Variants in ADAMTS8 observed in about 807,000 individuals in gnomAD.
ADAMTS8 encodes ADAM metallopeptidase with thrombospondin type 1 motif 8.
A neutral mutation model predicts 64.4 loss-of-function variants in ADAMTS8; 50 were observed. The observed-to-expected ratio is 0.78, with a 90% CI of 0.62 to 0.98. The LOEUF is 0.98. Ranked by LOEUF, ADAMTS8 falls within the 50% of genes least tolerant of loss-of-function variation. The pLI, the probability that ADAMTS8 is intolerant of heterozygous loss-of-function variation, is 0.00. For missense variants in ADAMTS8, 1,192 were observed against 1,208.2 expected (o/e 0.99, Z 0.20); for synonymous variants, 556 against 533.6 (o/e 1.04, Z -0.58).
intron 1 of ADAMTS8, among the ~76,000 whole-genome samples, chr11:130,426,074 G>A (rs76389393): frequency 0.12 from 17,552 of 152,246 alleles, 1,371 homozygotes; most frequent in Non-Finnish European, 0.17. Context: ...GGACAGGCAG[G>A]GAAACAGGTG....
At chr11:130,407,094 G>T (rs567293294) in intron 8 of ADAMTS8, among the ~76,000 whole-genome samples, 1 of 152,168 alleles carries the variant, frequency 6.6e-6, no homozygotes, top group East Asian at 1.9e-4. Context: ...AAGGCAGGGC[G>T]CAGTGGCTCA....
Position 130,416,997 on chromosome 11 carries a change from A to G in ADAMTS8, c.1039T>C (p.Cys347Arg). ...AGCCCCTCATCCTCGATCACGGAGC[A>G]GCTTTTGTTGGGGTCACAAATGGTC... ...IGTICDPNKS[C>R]SVIEDEGLQA... The change falls in exon 3 of 9, where the codon TGC becomes CGC. Residue 347 changes from cysteine (C) to arginine (R), a missense_variant. Cys to Arg is a radical substitution (Grantham distance 180, BLOSUM62 -3). Coordinates refer to ENST00000257359, the MANE Select transcript of ADAMTS8 (RefSeq NM_007037.6). The surrounding 1 kb of genome is among the most constrained non-coding windows in gnomAD (Gnocchi z 4.8). 6.2e-7 allele frequency: 1 copy of G among 1,614,130 alleles called. No individual in the cohort carries two copies.
chr11:130,424,469 T>G (rs1862137820), intron 1 of ADAMTS8, among the ~76,000 whole-genome samples: 1 of 152,214 alleles, frequency 6.6e-6, no homozygotes, highest in Non-Finnish European at 1.5e-5. Context: ...AGACCGGGAT[T>G]GATCACCTAG....
chr11:130,416,310 G>T lies in ADAMTS8; in HGVS notation c.1117C>A (p.His373Asn). The T allele has an allele frequency of 6.4e-7, 1 of 1,568,740 alleles. No individual in the cohort carries two copies. Among genetic ancestry groups the T allele is most frequent in the Non-Finnish European group, 8.6e-7 (1 of 1,157,366 alleles). ...HELGHVLSMP[H>N]DDSKPCTRLF... ...CGTGTGCAGGGCTTGGAGTCGTCGT[G>T]GGGCATGCTGAGGACGTGCCCTGGG... is the stretch of plus-strand genomic sequence containing the variant. The change falls in exon 4 of 9, where the codon CAC (histidine) becomes AAC (asparagine). Residue 373 changes from histidine to asparagine, a missense_variant. His to Asn is a moderately conservative substitution (Grantham distance 68). Around this residue, in one of 5 missense-constraint regions of ADAMTS8, gnomAD observed 741 missense variants for 710.6 expected, o/e 1.04. Transcript: ENST00000257359. This position sits in a 1 kb window ranked among gnomAD's most constrained non-coding sequence, Gnocchi z 4.8.
chr11:130,418,902 A>ACGT (rs1862061306), intron 2 of ADAMTS8, 151 bp downstream of exon 2: 2 of 1,194,648 alleles, frequency 1.7e-6, no homozygotes, highest in Non-Finnish European at 2.3e-6. Context: ...TGTCCTCATG[A>ACGT]CCTCCTCATC....
Position 130,406,026 on chromosome 11 carries a change from C to T in ADAMTS8, c.2202G>A (p.Ala734=), listed in dbSNP as rs764701055. The T allele has an allele frequency of 3.1e-6, 5 of 1,614,208 alleles. No homozygotes were observed. The highest frequency in any genetic ancestry group is 4.2e-6 in the Non-Finnish European group (5 of 1,180,030). The stretch of plus-strand genomic sequence containing the variant: ...GGTACTGCCCATCAGCCGTCTTCAG[C>T]GCCAGGTAGTTCCCATCGTTCTGCA... The part of the protein sequence containing the change: ...PGVQNDGNYL[A]LKTADGQYLL... The change falls in exon 9 of 9, where the codon GCG becomes GCA. Residue 734 remains alanine, a synonymous_variant. Transcript: ENST00000257359.
At chr11:130,426,736 CCT>C (rs1015180635) in intron 1 of ADAMTS8, among the ~76,000 whole-genome samples, 37 of 152,318 alleles carry the variant, frequency 2.4e-4, no homozygotes, top group Admixed American at 8.5e-4. Context: ...GTTTTTCTCC[CCT>C]GTTTAGGTAA....
At chr11:130,408,704 G>A (rs908218420) in intron 7 of ADAMTS8, 64 bp downstream of exon 7, 11 of 1,610,954 alleles carry the variant, frequency 6.8e-6, no homozygotes, top group South Asian at 3.3e-5. Flanking sequence ...GCCGGGGGGC[G>A]GGGGTGTGGG....
chr11:130,427,877 G>A lies in ADAMTS8; in HGVS notation c.410C>T (p.Pro137Leu), dbSNP rs1365430874. ...AGCCAGGGAGCCCCCCGCGCCCTGCGGCTGGATGGTGAACTCCTCGCCGTC... is the reference window on the plus strand; with the variant it reads ...AGCCAGGGAGCCCCCCGCGCCCTGCAGCTGGATGGTGAACTCCTCGCCGTC... Reference protein sequence around the residue: ...LLDGEEFTIQPQGAGGSLAQP... With the variant: ...LLDGEEFTIQLQGAGGSLAQP... Residue 137 changes from proline to leucine, a missense_variant, in exon 1 of 9, where the codon CCG (proline) becomes CTG (leucine). Transcript: ENST00000257359. The A allele has an allele frequency of 6.5e-7, 1 of 1,534,784 alleles. No homozygotes were observed. Among genetic ancestry groups the A allele is most frequent in the Non-Finnish European group, 8.7e-7 (1 of 1,145,730 alleles).
Position 130,416,288 on chromosome 11 carries a change from G to A in ADAMTS8, c.1139C>T (p.Thr380Ile). 1 of 1,576,836 alleles carries A rather than the reference G, an allele frequency of 6.3e-7. No individual in the cohort carries two copies. Among genetic ancestry groups the A allele is most frequent in the Non-Finnish European group, 8.6e-7 (1 of 1,161,600 alleles). ...CTTGCCCATGGGCCCGAAGAGCCGT[G>A]TGCAGGGCTTGGAGTCGTCGTGGGG... ...SMPHDDSKPCTRLFGPMGKHH... is the reference protein window; with the variant it reads ...SMPHDDSKPCIRLFGPMGKHH... Residue 380 changes from threonine (T) to isoleucine (I), a missense_variant, in exon 4 of 9, where the codon ACA becomes ATA. Physicochemically the swap from Thr to Ile is moderately conservative, Grantham distance 89. Transcript: ENST00000257359. The surrounding 1 kb of genome is among the most constrained non-coding windows in gnomAD (Gnocchi z 4.8).
intron 8 of ADAMTS8, among the ~76,000 whole-genome samples, chr11:130,408,187 C>G (rs1217379391): frequency 1.3e-5 from 2 of 152,190 alleles, no homozygotes; most frequent in African/African-American, 4.8e-5. Context: ...CACATGGCCT[C>G]CAGCCCTCGT....
chr11:130,428,260 C>T lies in ADAMTS8; in HGVS notation c.27G>A (p.Arg9=), dbSNP rs762159153. The T allele has an allele frequency of 2.9e-4, 352 of 1,212,580 alleles. No individual in the cohort carries two copies. The highest frequency in any genetic ancestry group is 1.7e-5 in the Non-Finnish European group (17 of 979,964). 75.1% of individuals were successfully genotyped at this position (1,212,580 alleles called of 1,614,324 possible). A position where few individuals can be genotyped will look rare whatever the true frequency, so the allele number is the denominator to read the frequency against. Residue 9 remains arginine (R), a synonymous_variant, in exon 1 of 9, where the codon CGG becomes CGA. Transcript: ENST00000257359. MLPAPAAP[R]WPPLLLLLLL... ...GCAGCAGCAGCAGGAGCGGAGGCCA[C>T]CGGGGGGCGGCGGGGGCGGGGAGCA...
At position 130,416,788 on chromosome 11, in the gene ADAMTS8, C is replaced by T. The variant is rs541859243; in HGVS notation, c.1096+152G>A. ...GAGTTGTGTTCAGCACTGTCAAGCG[C>T]GGTATCTGTTTGTATACAGTCACCC... On this transcript the variant is annotated intron_variant, in intron 3 of 8. Transcript: ENST00000257359. This position sits in a 1 kb window ranked among gnomAD's most constrained non-coding sequence, Gnocchi z 4.8. The T allele has an allele frequency of 2.8e-5, 35 of 1,234,682 alleles. No homozygotes were observed. Among genetic ancestry groups the T allele is most frequent in the Admixed American group, 9.8e-5 (5 of 51,206 alleles). 76.5% of individuals were successfully genotyped at this position (1,234,682 alleles called of 1,614,324 possible).
At chr11:130,425,818 G>A (rs1210788637) in intron 1 of ADAMTS8, among the ~76,000 whole-genome samples, 1 of 151,990 alleles carries the variant, frequency 6.6e-6, no homozygotes, top group Admixed American at 6.6e-5. Context: ...AGCCAGGATG[G>A]TCTTGATCTC....
chr11:130,412,826 C>G (rs1446705557), intron 5 of ADAMTS8, among the ~76,000 whole-genome samples: 1 of 152,044 alleles, frequency 6.6e-6, no homozygotes, highest in Non-Finnish European at 1.5e-5. Flanking sequence ...TGTATATATT[C>G]TTTCTGTCTT....
At chr11:130,419,411 C>T in intron 1 of ADAMTS8, 119 bp from the exon 2 acceptor site, 8 of 1,383,954 alleles carry the variant, frequency 5.8e-6, no homozygotes, top group Non-Finnish European at 7.9e-6. Context: ...CCTACCAAAG[C>T]CTCACAATAC....
Position 130,427,864 on chromosome 11 carries a change from C to A in ADAMTS8, c.423G>T (p.Gly141=). 5.2e-6 allele frequency: 8 copies of A among 1,536,488 alleles called. No homozygotes were observed. The highest frequency in any genetic ancestry group is 7.0e-6 in the Non-Finnish European group (8 of 1,145,990). ...EEFTIQPQGA[G]GSLAQPHRLQ... The stretch of plus-strand genomic sequence containing the variant: ...GGCGGTGCGGCTGAGCCAGGGAGCC[C>A]CCCGCGCCCTGCGGCTGGATGGTGA... Residue 141 remains glycine, a synonymous_variant, in exon 1 of 9, where the codon GGG becomes GGT. Transcript: ENST00000257359.
In ADAMTS8 at chr11:130,416,405, A is replaced by G; in HGVS notation, c.1097-75T>C. ...CCACCTGGCCCAGCTAGGGACAGAG[A>G]TGGAGCTCCTCAGGGGAGCAGCCAC... On this transcript the variant is annotated intron_variant, in intron 3 of 8. Coordinates refer to ENST00000257359, the MANE Select transcript of ADAMTS8 (RefSeq NM_007037.6). This position sits in a 1 kb window ranked among gnomAD's most constrained non-coding sequence, Gnocchi z 4.8. The G allele has an allele frequency of 6.9e-7, 1 of 1,454,284 alleles. No homozygotes were observed. The highest frequency in any genetic ancestry group is 1.4e-5 in the South Asian group (1 of 73,562). The allele number at this position is 1,454,284 out of a possible 1,614,324, so 90.1% of individuals were successfully genotyped here.
rs978734610 is a variant in ADAMTS8 at position 130,428,526 on chromosome 11, G to A, written c.-240C>T. 1 of 865,770 alleles carries A rather than the reference G, an allele frequency of 1.2e-6. No individual in the cohort carries two copies. The highest frequency in any genetic ancestry group is 1.4e-6 in the Non-Finnish European group (1 of 721,802). The allele number at this position is 865,770 out of a possible 1,614,324, so 53.6% of individuals were successfully genotyped here. On this transcript the variant is annotated 5_prime_UTR_variant, in exon 1 of 9. Transcript: ENST00000257359. ...GAGCCGAGCGCGAGCAGCTGGCCCC[G>A]GCCCGCGTGCGCCCGTCCTCCGCCC...
Sources: gnomAD v4.1 joint callset for allele counts (sites outside exome capture counted in the v4.1 genomes callset) on GRCh38, gnomAD v4.1.1 for gene constraint, gnomAD v4.1.1 regional missense constraint, Gnocchi (gnomAD v3.1) non-coding constraint, MANE v1.5 for transcripts, NCBI Gene and HGNC (gene_info 2026-07-23, HGNC 2026-07-21) for gene names.